Variants in SLC24A3 observed in about 807,000 individuals in gnomAD.
The protein encoded by SLC24A3 is sodium/potassium/calcium exchanger 3.
A neutral mutation model predicts 75.8 loss-of-function variants in SLC24A3; 28 were observed. That is an observed-to-expected ratio of 0.37 (90% CI 0.27 to 0.51). The LOEUF (loss-of-function observed/expected upper bound fraction) is 0.51, where lower values mean the gene tolerates loss of function less well. Ranked by LOEUF, SLC24A3 falls within the 20% of genes least tolerant of loss-of-function variation. SLC24A3 has a pLI of 0.94. For missense variants in SLC24A3, 663 were observed against 847.8 expected, an observed-to-expected ratio of 0.78 and a Z score of 2.71; for synonymous variants, 372 against 334.1, an observed-to-expected ratio of 1.11 and a Z score of -1.24.
intron 3 of SLC24A3, among the ~76,000 whole-genome samples, chr20:19,525,973 C>T (rs763300489): frequency 1.3e-5 from 2 of 152,130 alleles, no homozygotes; most frequent in Non-Finnish European, 2.9e-5. Context: ...CAGTTCTGAA[C>T]GAACTCGGAG....
At chr20:19,580,764 T>C (rs1181940412) in intron 4 of SLC24A3, among the ~76,000 whole-genome samples, 1 of 152,198 alleles carries the variant, frequency 6.6e-6, no homozygotes, top group Non-Finnish European at 1.5e-5. Context: ...ATTTATTTAT[T>C]TATATTTATC....
intron 4 of SLC24A3, among the ~76,000 whole-genome samples, chr20:19,581,128 G>A (rs1228425738): frequency 6.6e-6 from 1 of 152,200 alleles, no homozygotes; most frequent in African/African-American, 2.4e-5. Flanking sequence ...CACAGGAGGT[G>A]TTCTCTTCCA....
At chr20:19,681,316 A>G (rs538287079) in intron 9 of SLC24A3, among the ~76,000 whole-genome samples, 2 of 152,328 alleles carry the variant, frequency 1.3e-5, no homozygotes, top group African/African-American at 4.8e-5. Context: ...ATCCCAACCC[A>G]TGACCTCAGG....
intron 8 of SLC24A3, among the ~76,000 whole-genome samples, chr20:19,671,455 A>C (rs967920281): frequency 3.6e-4 from 55 of 152,214 alleles, no homozygotes; most frequent in African/African-American, 1.3e-3. Context: ...TTGAAGTGAA[A>C]AATGACCTAG....
intron 2 of SLC24A3, among the ~76,000 whole-genome samples, chr20:19,452,425 T>TGTGTGTGTGTGTGTGTGTGTGTG (rs56271347): frequency 8.7e-6 from 1 of 115,488 alleles, no homozygotes; most frequent in East Asian, 2.3e-4. Flanking sequence ...TGTGTGTGTG[T>TGTGTGTGTGTGTGTGTGTGTGTG]TGGGGAAGTA....
intron 4 of SLC24A3, 36 bp downstream of exon 4, chr20:19,580,110 A>C: frequency 6.4e-7 from 1 of 1,570,828 alleles, no homozygotes; most frequent in East Asian, 2.2e-5. Flanking sequence ...TGTGAGCCAG[A>C]CTGGGGACTG....
chr20:19,433,506 T>C lies in SLC24A3; in HGVS notation c.272-81982T>C, dbSNP rs191513860. On this transcript the variant is annotated intron_variant, in intron 2 of 16. Transcript: ENST00000328041. ...TCTCTTTGATTGTTTTGCTTCCTTT[T>C]TAAATCACAGTGGTTGGTTTTTCTC... 1.5e-3 allele frequency among the ~76,000 whole-genome samples: 233 copies of C among 152,344 alleles called. 1 individual carries two copies. The highest frequency in any genetic ancestry group is 5.4e-3 in the African/African-American group (224 of 41,576).
chr20:19,342,637 G>T (rs928998000), intron 2 of SLC24A3, among the ~76,000 whole-genome samples: 1 of 152,260 alleles, frequency 6.6e-6, no homozygotes, highest in African/African-American at 2.4e-5. Flanking sequence ...GGAGTTTCTA[G>T]TGGAAGAAGG....
At chr20:19,476,997 T>C (rs919115541) in intron 2 of SLC24A3, among the ~76,000 whole-genome samples, 2 of 151,824 alleles carry the variant, frequency 1.3e-5, no homozygotes, top group African/African-American at 4.8e-5. Flanking sequence ...ACCCTACGGG[T>C]GTCAGCTGAG....
At chr20:19,334,811 C>T (rs1385094700) in intron 2 of SLC24A3, among the ~76,000 whole-genome samples, 8 of 152,182 alleles carry the variant, frequency 5.3e-5, no homozygotes, top group African/African-American at 9.7e-5. Context: ...ACCTGCCATT[C>T]GCTGAGCCCT....
At position 19,523,816 on chromosome 20, in the gene SLC24A3, A is replaced by G. The variant is rs527658887; in HGVS notation, c.348+8252A>G. Among the ~76,000 whole-genome samples, 3 of 152,304 alleles carry G rather than the reference A, an allele frequency of 2.0e-5. No individual in the cohort carries two copies. In the South Asian group the frequency reaches 6.2e-4, roughly 32 times the overall value. On this transcript the variant is annotated intron_variant, in intron 3 of 16. Coordinates refer to ENST00000328041, the MANE Select transcript of SLC24A3 (RefSeq NM_020689.4). ...TGAAGCTCTTGGCAGAGTGTCTGGC[A>G]CTGAATAGACGATACCTTACTTGTC...
intron 6 of SLC24A3, among the ~76,000 whole-genome samples, chr20:19,598,140 A>C (rs2031475424): frequency 6.6e-6 from 1 of 152,202 alleles, no homozygotes; most frequent in Non-Finnish European, 1.5e-5. Context: ...TTAATATGAC[A>C]GAATACTTTT....
At chr20:19,523,076 C>T (rs1447375320) in intron 3 of SLC24A3, among the ~76,000 whole-genome samples, 1 of 152,126 alleles carries the variant, frequency 6.6e-6, no homozygotes, top group Non-Finnish European at 1.5e-5. Context: ...AACTGACGAA[C>T]AAATTCAGTA....
chr20:19,449,451 C>CA (rs1987444457), intron 2 of SLC24A3, among the ~76,000 whole-genome samples: 1 of 152,332 alleles, frequency 6.6e-6, no homozygotes, highest in African/African-American at 2.4e-5. Context: ...ATCAACCTGA[C>CA]AGAGTCCTAG....
chr20:19,671,558 T>TC (rs2032467430), intron 8 of SLC24A3, among the ~76,000 whole-genome samples: 1 of 152,058 alleles, frequency 6.6e-6, no homozygotes, highest in Non-Finnish European at 1.5e-5. Context: ...AAGGGAGTGC[T>TC]CCATATTGAT....
At chr20:19,218,138 C>T (rs899903485) in intron 1 of SLC24A3, among the ~76,000 whole-genome samples, 12 of 152,246 alleles carry the variant, frequency 7.9e-5, no homozygotes, top group East Asian at 5.8e-4. Context: ...TAAATAAAGA[C>T]GCTCTTTTGA....
intron 6 of SLC24A3, among the ~76,000 whole-genome samples, chr20:19,623,374 C>T (rs1221786384): frequency 6.6e-6 from 1 of 152,186 alleles, no homozygotes; most frequent in Non-Finnish European, 1.5e-5. Flanking sequence ...CAAGCATGCT[C>T]AGCTCTGAAA....
intron 3 of SLC24A3, among the ~76,000 whole-genome samples, chr20:19,576,644 C>T (rs1225391062): frequency 6.6e-6 from 1 of 152,188 alleles, no homozygotes; most frequent in Non-Finnish European, 1.5e-5. Flanking sequence ...AGTCATTACC[C>T]TCAAAAGTCC....
intron 3 of SLC24A3, among the ~76,000 whole-genome samples, chr20:19,535,311 T>C (rs548309625): frequency 1.3e-5 from 2 of 152,366 alleles, no homozygotes; most frequent in East Asian, 3.9e-4. Flanking sequence ...TTGTCTTGGC[T>C]GCCTTTCTCA....
Sources: allele counts gnomAD v4.1 joint callset (sites outside exome capture counted in the v4.1 genomes callset), GRCh38; gene constraint gnomAD v4.1.1; transcripts MANE v1.5; gene names NCBI Gene and HGNC (gene_info 2026-07-23, HGNC 2026-07-21).